The following MIGA2 variants were observed in gnomAD, a reference collection of about 807,000 sequenced individuals.
The protein encoded by MIGA2 is family with sequence similarity 73, member B.
MIGA2 carries 36 observed loss-of-function variants against 69.9 expected under a neutral mutation model. The ratio of observed to expected loss-of-function variants is 0.52; its 90% CI spans 0.39 to 0.68. The LOEUF (loss-of-function observed/expected upper bound fraction) is 0.68. Ranked by LOEUF, MIGA2 falls within the 30% of genes least tolerant of loss-of-function variation. The pLI is 0.00. For missense variants in MIGA2, 660 were observed against 787.7 expected (o/e 0.84, Z 1.94); for synonymous variants, 333 against 349.2 (o/e 0.95, Z 0.52).
chr9:129,041,776 C>A (rs1844919453), intron 2 of MIGA2, among the ~76,000 whole-genome samples: 1 of 152,090 alleles, frequency 6.6e-6, no homozygotes, highest in Non-Finnish European at 1.5e-5. Context: ...GGCTCCCAGG[C>A]CTGGGGGGCA....
intron 6 of MIGA2, 110 bp downstream of exon 6, chr9:129,050,073 A>G (rs1013053709): frequency 2.1e-5 from 29 of 1,381,448 alleles, no homozygotes; most frequent in Non-Finnish European, 2.8e-5. Context: ...GAGACTGCTG[A>G]TTTCCCTCTA....
Position 129,068,442 on chromosome 9 carries a change from C to G in MIGA2, c.1404+110C>G. The G allele has an allele frequency of 5.4e-6, 8 of 1,468,718 alleles. No homozygotes were observed. Among genetic ancestry groups the G allele is most frequent in the Non-Finnish European group, 7.3e-6 (8 of 1,089,486 alleles). The allele number at this position is 1,468,718 out of a possible 1,614,324, so 91.0% of individuals were successfully genotyped here. On this transcript the variant is annotated intron_variant, in intron 13 of 15. Coordinates refer to ENST00000684074, the MANE Select transcript of MIGA2 (RefSeq NM_001329990.2). This position sits in a 1 kb window ranked among gnomAD's most constrained non-coding sequence, Gnocchi z 4.1. ...CTGGCACCAGGGCTGGGCCCCCACC[C>G]CCTAGATCCGCGGCTGCCAGGCCTG... is the stretch of plus-strand genomic sequence containing the variant.
intron 1 of MIGA2, chr9:129,036,941 C>T (rs1844620804): frequency 1.2e-5 from 12 of 1,002,582 alleles, no homozygotes; most frequent in Non-Finnish European, 1.3e-5. Context: ...CGCAGGTACC[C>T]GATCCGAGGC....
In MIGA2 at chr9:129,049,413, C is replaced by T. The variant is rs756235532; in HGVS notation, c.453C>T (p.Ala151=). The change falls in exon 5 of 16, where the codon GCC becomes GCT. Residue 151 remains alanine, a synonymous_variant. Transcript: ENST00000684074. ...MMAVNSSSPT[A]ACSGLWDARG... ...CAGTGAACTCATCCAGCCCCACAGC[C>T]GCGTGCTCGGGACTATGGGATGCCA... The T allele has an allele frequency of 1.6e-5, 26 of 1,613,316 alleles. No homozygotes were observed. The highest frequency in any genetic ancestry group is 1.6e-4 in the East Asian group (7 of 44,886).
chr9:129,066,958 T>C (rs1294572709), intron 11 of MIGA2, among the ~76,000 whole-genome samples: 3 of 30,898 alleles, frequency 9.7e-5, no homozygotes, highest in African/African-American at 1.2e-4. Context: ...AGACTCTGTC[T>C]CAAAAAAAAA....
In MIGA2 at chr9:129,058,378, G is replaced by A. The variant is rs1292250298; in HGVS notation, c.676-776G>A. ...TGATTGCGCCACTGCACTGCGGGCT[G>A]GGTGACAGAACGAGACCTTGTCTCA... On this transcript the variant is annotated intron_variant, in intron 6 of 15. Transcript: ENST00000684074. 1.3e-5 allele frequency among the ~76,000 whole-genome samples: 2 copies of A among 150,402 alleles called. 1 individual carries two copies. Among genetic ancestry groups the A allele is most frequent in the Admixed American group, 1.3e-4 (2 of 15,078 alleles).
intron 3 of MIGA2, among the ~76,000 whole-genome samples, chr9:129,044,206 C>T (rs1378627763): frequency 6.7e-6 from 1 of 149,668 alleles, no homozygotes; most frequent in Non-Finnish European, 1.5e-5. Flanking sequence ...GTTAGCCAGG[C>T]TGGTCTCGAA....
intron 1 of MIGA2, among the ~76,000 whole-genome samples, chr9:129,039,220 T>TG (rs772090970): frequency 1.9e-4 from 28 of 145,098 alleles, no homozygotes; most frequent in African/African-American, 6.5e-4. Flanking sequence ...TGTGTGTGTG[T>TG]TTTATTTTAT....
intron 11 of MIGA2, among the ~76,000 whole-genome samples, chr9:129,064,448 C>T (rs972063011): frequency 6.6e-6 from 1 of 151,628 alleles, no homozygotes; most frequent in Non-Finnish European, 1.5e-5. Flanking sequence ...ACCTCGTGAT[C>T]CGCCCGCCTC....
chr9:129,050,761 C>T lies in MIGA2; in HGVS notation c.675+798C>T, dbSNP rs554979405. 4.5e-4 allele frequency among the ~76,000 whole-genome samples: 68 copies of T among 151,884 alleles called. 1 individual carries two copies. Among genetic ancestry groups the T allele is most frequent in the African/African-American group, 1.3e-3 (55 of 41,420 alleles). On this transcript the variant is annotated intron_variant, in intron 6 of 15. Coordinates refer to ENST00000684074, the MANE Select transcript of MIGA2 (RefSeq NM_001329990.2). Reference sequence around the variant, plus strand: ...TAATTTTTTGTGTTTTTAGTAGAGACGGGGTTTCACCACATTGGCCAGGCT... The same window carrying T: ...TAATTTTTTGTGTTTTTAGTAGAGATGGGGTTTCACCACATTGGCCAGGCT...
intron 2 of MIGA2, 77 bp from the exon 3 acceptor site, chr9:129,042,227 A>T: frequency 6.9e-7 from 1 of 1,438,946 alleles, no homozygotes. Flanking sequence ...CCCGTCCCTG[A>T]GGTGCTCTGG....
At chr9:129,041,315 G>A (rs1010404477) in intron 2 of MIGA2, among the ~76,000 whole-genome samples, 2 of 151,452 alleles carry the variant, frequency 1.3e-5, no homozygotes, top group Non-Finnish European at 2.9e-5. Flanking sequence ...CTGGGCGACA[G>A]AGCGAGACTC....
intron 11 of MIGA2, among the ~76,000 whole-genome samples, chr9:129,066,729 G>A (rs866323142): frequency 3.3e-5 from 5 of 151,332 alleles, no homozygotes; most frequent in Middle Eastern, 3.4e-3. Flanking sequence ...GGAGGCCAAG[G>A]CAGGCAGATC....
intron 3 of MIGA2, among the ~76,000 whole-genome samples, chr9:129,045,016 G>A (rs1351477110): frequency 6.6e-6 from 1 of 151,752 alleles, no homozygotes; most frequent in Non-Finnish European, 1.5e-5. Context: ...TGGCCAACAC[G>A]GTGAAACCCT....
chr9:129,070,030 G>A, intron 15 of MIGA2, 65 bp downstream of exon 15: 2 of 1,384,004 alleles, frequency 1.4e-6, no homozygotes, highest in East Asian at 2.3e-5. Flanking sequence ...CCTGGGAGGT[G>A]CCAGGAATGG....
Position 129,068,129 on chromosome 9 carries a change from A to G in MIGA2, c.1270-69A>G. 6.2e-7 allele frequency: 1 copy of G among 1,608,326 alleles called. No homozygotes were observed. On this transcript the variant is annotated intron_variant, in intron 12 of 15. Transcript: ENST00000684074. This position sits in a 1 kb window ranked among gnomAD's most constrained non-coding sequence, Gnocchi z 4.1. ...CCTGGACCCCAGCTTCAGTCTCCCC[A>G]TCTGGAAAGTGGCCCCGAGGCTCCG...
chr9:129,051,570 C>T (rs886350660), intron 6 of MIGA2: 1 of 151,080 alleles, frequency 6.6e-6, no homozygotes, highest in African/African-American at 2.4e-5. Context: ...GCCACCGTGC[C>T]TGGCTTATTT....
intron 3 of MIGA2, 88 bp downstream of exon 3, chr9:129,042,602 TG>T (rs1844977167): frequency 1.5e-6 from 2 of 1,341,530 alleles, no homozygotes; most frequent in African/African-American, 1.5e-5. Flanking sequence ...TTGGGGATAT[TG>T]GGCCAGTGTC....
At chr9:129,066,297 T>G (rs1041277996) in intron 11 of MIGA2, among the ~76,000 whole-genome samples, 2 of 152,090 alleles carry the variant, frequency 1.3e-5, no homozygotes, top group African/African-American at 4.8e-5. Flanking sequence ...AGTGAACAAG[T>G]GAAGGAGGGT....
Sources: gnomAD v4.1 joint callset for allele counts (sites outside exome capture counted in the v4.1 genomes callset) on GRCh38, gnomAD v4.1.1 for gene constraint, Gnocchi (gnomAD v3.1) non-coding constraint, MANE v1.5 for transcripts, NCBI Gene and HGNC (gene_info 2026-07-23, HGNC 2026-07-21) for gene names.